The following ARPIN variants were observed in gnomAD, a reference collection of about 807,000 sequenced individuals.
ARPIN encodes the protein actin related protein 2/3 complex inhibitor.
In ARPIN, 23 loss-of-function variants were observed where a neutral mutation model predicts 25.9. That is an observed-to-expected ratio of 0.89 (90% CI 0.64 to 1.26). The LOEUF is 1.26. ARPIN is among the 50% of genes most tolerant of loss of function. The probability of loss-of-function intolerance (pLI) is 0.00; values close to 1 mark genes in which losing one functional copy is unlikely to be tolerated. For missense variants in ARPIN, 333 were observed against 312.2 expected, an observed-to-expected ratio of 1.07 and a Z score of -0.50; for synonymous variants, 126 against 131.4, an observed-to-expected ratio of 0.96 and a Z score of 0.28.
chr15:89,903,376 G>T lies in ARPIN; in HGVS notation c.512C>A (p.Ser171Ter). 3.1e-6 allele frequency: 5 copies of T among 1,614,222 alleles called. No individual in the cohort carries two copies. The highest frequency in any genetic ancestry group is 4.2e-6 in the Non-Finnish European group (5 of 1,180,028). Reference sequence around the variant, plus strand: ...TGTTCCAGCCTCAAGTTTGGCCAATGAATCTGAAAGAAGAGATGAAATTGA... The same window carrying T: ...TGTTCCAGCCTCAAGTTTGGCCAATTAATCTGAAAGAAGAGATGAAATTGA... ...KTRGDGPFLDSLAKLEAGTVT... is the reference protein window; with the variant it reads ...KTRGDGPFLD The change falls in exon 5 of 6, where the codon TCA (serine) becomes TAA (stop). Residue 171 changes from serine to a stop codon, truncating the protein, a stop_gained. Transcript: ENST00000357484. LOFTEE classifies it high-confidence loss of function.
Position 89,900,833 on chromosome 15 carries a change from GC to G in ARPIN, c.*961del, listed in dbSNP as rs1897006811. On this transcript the variant is annotated 3_prime_UTR_variant, in exon 6 of 6. Transcript: ENST00000357484. Reference sequence around the variant, plus strand: ...CATAGGAACATTGCTCAGCTGAAAGGCCGTTTACACCTGACAATAACCCAGT... The same window carrying G: ...CATAGGAACATTGCTCAGCTGAAAGGCGTTTACACCTGACAATAACCCAGT... The G allele has an allele frequency of 6.6e-6, 1 of 152,194 alleles. No homozygotes were observed. The highest frequency in any genetic ancestry group is 1.5e-5 in the Non-Finnish European group (1 of 68,040). 9.4% of individuals were successfully genotyped at this position (152,194 alleles called of 1,614,324 possible).
intron 5 of ARPIN, 40 bp from the exon 6 acceptor site, chr15:89,901,843 C>G (rs1279723735): frequency 1.5e-5 from 24 of 1,611,798 alleles, no homozygotes; most frequent in Non-Finnish European, 2.0e-5. Flanking sequence ...GGAGACAGCA[C>G]ATGTCATAAA....
At chr15:89,903,404 G>A in intron 4 of ARPIN, 25 bp from the exon 5 acceptor site, 1 of 1,613,784 alleles carries the variant, frequency 6.2e-7, no homozygotes, top group South Asian at 1.1e-5. Flanking sequence ...GAAATTGAAT[G>A]TCCTCTGTCC....
chr15:89,895,518 T>C lies in ARPIN; in HGVS notation c.*6277A>G, dbSNP rs1335978897. 1 of 152,254 alleles carries C rather than the reference T, an allele frequency of 6.6e-6. No homozygotes were observed. The highest frequency in any genetic ancestry group is 1.5e-5 in the Non-Finnish European group (1 of 68,046). 9.4% of individuals were successfully genotyped at this position (152,254 alleles called of 1,614,324 possible). Reference sequence around the variant, plus strand: ...TAGAAAAGGTGTAATATCAGTTTCCTAAACTGGAAAACTGGAAAATGAGTC... The same window carrying C: ...TAGAAAAGGTGTAATATCAGTTTCCCAAACTGGAAAACTGGAAAATGAGTC... On this transcript the variant is annotated 3_prime_UTR_variant, in exon 6 of 6. Transcript: ENST00000357484.
At chr15:89,903,513 G>T in intron 4 of ARPIN, 134 bp from the exon 5 acceptor site, 1 of 1,461,384 alleles carries the variant, frequency 6.8e-7, no homozygotes, top group Non-Finnish European at 9.2e-7. Context: ...TGGTCAATGA[G>T]CCCCTGGGTG....
Position 89,901,785 on chromosome 15 carries a change from G to A in ARPIN, c.*10C>T, listed in dbSNP as rs763996608. 1.2e-6 allele frequency: 2 copies of A among 1,613,954 alleles called. No homozygotes were observed. Among genetic ancestry groups the A allele is most frequent in the Non-Finnish European group, 1.7e-6 (2 of 1,179,824 alleles). ...GAAGGTGCTGGTGCCCCCAGAGGCA[G>A]CCACGTCCCTCAGTCATCCTAGAGA... On this transcript the variant is annotated 3_prime_UTR_variant, in exon 6 of 6. Coordinates refer to ENST00000357484, the MANE Select transcript of ARPIN (RefSeq NM_182616.4).
rs1260249171 is a variant in ARPIN, at chr15:89,912,638, C to A, written c.92+106G>T. The stretch of plus-strand genomic sequence containing the variant: ...ACTGAAGGCGGAGAGGCGGCTTTGG[C>A]AACCCCAGTTTTCCCCCACCCGCAT... On this transcript the variant is annotated intron_variant, in intron 1 of 5. Transcript: ENST00000357484. 6 of 1,346,826 alleles carry A rather than the reference C, an allele frequency of 4.5e-6. No homozygotes were observed. In the African/African-American group the frequency reaches 9.3e-5, roughly 21 times the overall value. The allele number at this position is 1,346,826 out of a possible 1,614,324, so 83.4% of individuals were successfully genotyped here.
At chr15:89,912,663 T>TTTCCC in intron 1 of ARPIN, 81 bp downstream of exon 1, 2 of 871,110 alleles carry the variant, frequency 2.3e-6, no homozygotes, top group Non-Finnish European at 1.4e-6. Context: ...CCCACCCGCA[T>TTTCCC]CCCACCCCCC....
intron 3 of ARPIN, among the ~76,000 whole-genome samples, chr15:89,904,567 C>T (rs1897085408): frequency 6.6e-6 from 1 of 152,176 alleles, no homozygotes; most frequent in African/African-American, 2.4e-5. Flanking sequence ...GGTAGTCCCC[C>T]TCCTCTCTCC....
intron 1 of ARPIN, 85 bp downstream of exon 1, chr15:89,912,659 C>CCCCGGGGGGGGG: frequency 3.4e-6 from 4 of 1,161,506 alleles, no homozygotes; most frequent in East Asian, 5.8e-5. Context: ...TTCCCCCACC[C>CCCCGGGGGGGGG]GCATCCCACC....
rs1485077971 is a variant in ARPIN at position 89,912,783 on chromosome 15, A to G, written c.53T>C (p.Val18Ala). The part of the protein sequence containing the change: ...GALRNKAVQS[V>A]RLPGAWDPAA... The stretch of plus-strand genomic sequence containing the variant: ...GGGGTCCCAGGCCCCTGGCAGCCGG[A>G]CGCTCTGCACCGCCTTGTTCCGGAG... Residue 18 changes from valine (V) to alanine (A), a missense_variant, in exon 1 of 6, where the codon GTC becomes GCC. Coordinates refer to ENST00000357484, the MANE Select transcript of ARPIN (RefSeq NM_182616.4). The G allele has an allele frequency of 6.6e-7, 1 of 1,510,812 alleles. No homozygotes were observed. Among genetic ancestry groups the G allele is most frequent in the South Asian group, 1.2e-5 (1 of 80,578 alleles). The allele number at this position is 1,510,812 out of a possible 1,614,324, so 93.6% of individuals were successfully genotyped here.
At chr15:89,907,077 A>AT (rs1430753445) in intron 3 of ARPIN, among the ~76,000 whole-genome samples, 39 of 150,520 alleles carry the variant, frequency 2.6e-4, no homozygotes, top group Admixed American at 4.6e-4. Context: ...TATTATTACT[A>AT]TTTTTTTTTG....
rs1252300306 is a variant in ARPIN at position 89,910,760 on chromosome 15, T to G, written c.152A>C (p.Asp51Ala). 1 of 1,614,116 alleles carries G rather than the reference T, an allele frequency of 6.2e-7. No individual in the cohort carries two copies. The highest frequency in any genetic ancestry group is 1.1e-5 in the South Asian group (1 of 91,082). ...LIDVSRHSILDTHGRKERYYV... is the reference protein window; with the variant it reads ...LIDVSRHSILATHGRKERYYV... ...CATCCTCACCTTCCTGCCATGAGTG[T>G]CCAAGATGCTGTGCCGAGATACATC... is the stretch of plus-strand genomic sequence containing the variant. Residue 51 changes from aspartate to alanine, a missense_variant, in exon 2 of 6, where the codon GAC (aspartate) becomes GCC (alanine). Coordinates refer to ENST00000357484, the MANE Select transcript of ARPIN (RefSeq NM_182616.4).
In ARPIN at chr15:89,895,786, G is replaced by A. The variant is rs1282510096; in HGVS notation, c.*6009C>T. The A allele has an allele frequency of 6.6e-6, 1 of 152,256 alleles. No individual in the cohort carries two copies. The highest frequency in any genetic ancestry group is 1.5e-5 in the Non-Finnish European group (1 of 68,086). 9.4% of individuals were successfully genotyped at this position (152,256 alleles called of 1,614,324 possible). A position where few individuals can be genotyped will look rare whatever the true frequency, so the allele number is the denominator to read the frequency against. On this transcript the variant is annotated 3_prime_UTR_variant, in exon 6 of 6. Coordinates refer to ENST00000357484, the MANE Select transcript of ARPIN (RefSeq NM_182616.4). ...GGTCTTACCCAGGTTGGAGTGCAGTGGCACAGTCATACCTCACTGTAACCT... is the reference window on the plus strand; with the variant it reads ...GGTCTTACCCAGGTTGGAGTGCAGTAGCACAGTCATACCTCACTGTAACCT...
chr15:89,911,190 T>C (rs1897216702), intron 1 of ARPIN, among the ~76,000 whole-genome samples: 1 of 152,274 alleles, frequency 6.6e-6, no homozygotes, highest in Non-Finnish European at 1.5e-5. Context: ...GATTACTAAA[T>C]ACAAAAGATT....
chr15:89,898,445 A>C lies in ARPIN; in HGVS notation c.*3350T>G, dbSNP rs1162491545. On this transcript the variant is annotated 3_prime_UTR_variant, in exon 6 of 6. Coordinates refer to ENST00000357484, the MANE Select transcript of ARPIN (RefSeq NM_182616.4). ...GCTCCTCACAAAAACGGGTTCTCTG[A>C]CCAAAGAAATGTGGGAAATACGTAA... 6.6e-6 allele frequency: 1 copy of C among 152,222 alleles called. No homozygotes were observed. Among genetic ancestry groups the C allele is most frequent in the African/African-American group, 2.4e-5 (1 of 41,444 alleles). The allele number at this position is 152,222 out of a possible 1,614,324, so 9.4% of individuals were successfully genotyped here.
chr15:89,904,230 C>T (rs1048870753), intron 3 of ARPIN, among the ~76,000 whole-genome samples: 10 of 152,134 alleles, frequency 6.6e-5, no homozygotes, highest in African/African-American at 1.9e-4. Context: ...ATCACCTCTC[C>T]GTACCCGAAA....
chr15:89,905,194 G>T (rs1325545095), intron 3 of ARPIN, among the ~76,000 whole-genome samples: 2 of 151,844 alleles, frequency 1.3e-5, no homozygotes, highest in East Asian at 1.9e-4. Context: ...GCTAATTTTT[G>T]TATTTTTGTT....
chr15:89,912,334 C>T (rs1292322636), intron 1 of ARPIN: 1 of 1,006,262 alleles, frequency 9.9e-7, no homozygotes, highest in Non-Finnish European at 1.2e-6. Context: ...ACCAGCCCGC[C>T]CGCTGTTCCC....
Sources: gnomAD v4.1 joint callset for allele counts (sites outside exome capture counted in the v4.1 genomes callset) on GRCh38, gnomAD v4.1.1 for gene constraint, MANE v1.5 for transcripts, NCBI Gene and HGNC (gene_info 2026-07-23, HGNC 2026-07-21) for gene names.